TPO: variants seen among roughly 807,000 people sequenced by gnomAD.
TPO encodes thyroid peroxidase, also known as thyroid microsomal antigen.
TPO carries 78 observed loss-of-function variants against 96.9 expected under a neutral mutation model. The ratio of observed to expected loss-of-function variants is 0.81; its 90% CI spans 0.67 to 0.97. The LOEUF (loss-of-function observed/expected upper bound fraction) is 0.97, where lower values mean the gene tolerates loss of function less well. Among genes scored for constraint, TPO ranks in the 50% least tolerant of loss-of-function variants. The pLI is 0.00. For missense variants in TPO, 1,252 were observed against 1,274.8 expected (o/e 0.98, Z 0.27); for synonymous variants, 547 against 538.0 (o/e 1.02, Z -0.23).
Position 1,493,786 on chromosome 2 carries a change from C to T in TPO, c.1769-16C>T, listed in dbSNP as rs536243953. The T allele has an allele frequency of 2.5e-6, 4 of 1,613,000 alleles. No individual in the cohort carries two copies. The highest frequency in any genetic ancestry group is 1.7e-4 in the Middle Eastern group (1 of 6,060). On this transcript the variant is annotated splice_polypyrimidine_tract_variant and intron_variant, in intron 10 of 16. Coordinates refer to ENST00000329066, the MANE Select transcript of TPO (RefSeq NM_001206744.2). Reference sequence around the variant, plus strand: ...CAGTTCTGTGAGAGAAACCCTGCAGCCTCTCCCCTGTGCAGGTTACAATGA... The same window carrying T: ...CAGTTCTGTGAGAGAAACCCTGCAGTCTCTCCCCTGTGCAGGTTACAATGA...
chr2:1,496,900 T>C, intron 13 of TPO, 135 bp downstream of exon 13: 1 of 1,352,356 alleles, frequency 7.4e-7, no homozygotes, highest in East Asian at 2.4e-5. Context: ...AATCTGGGGA[T>C]AGAAAGCAAG....
At chr2:1,397,704 C>T (rs1175304229) in intron 1 of TPO, among the ~76,000 whole-genome samples, 4 of 152,160 alleles carry the variant, frequency 2.6e-5, no homozygotes, top group African/African-American at 9.7e-5. Context: ...TCCAAGCCTC[C>T]CACCCCCGGG....
At chr2:1,480,856 C>CCACGTCCCTGCTGCTGCG (rs1240822573) in intron 8 of TPO, among the ~76,000 whole-genome samples, 1 of 65,086 alleles carries the variant, frequency 1.5e-5, no homozygotes, top group Non-Finnish European at 3.6e-5. Context: ...ACCATACCCA[C>CCACGTCCCTGCTGCTGCG]TCTAATTTGT....
chr2:1,529,550 A>G (rs1226728736), intron 15 of TPO, among the ~76,000 whole-genome samples: 6 of 121,670 alleles, frequency 4.9e-5, no homozygotes, highest in Admixed American at 1.7e-4. Flanking sequence ...AATCTCCCCA[A>G]ATGCCCCACC....
intron 14 of TPO, among the ~76,000 whole-genome samples, chr2:1,509,800 C>T (rs78324310): frequency 3.0e-5 from 4 of 131,712 alleles, no homozygotes; most frequent in Non-Finnish European, 6.5e-5. Flanking sequence ...AGGGACACCG[C>T]ACCTCTTATT....
chr2:1,458,268 G>T lies in TPO; in HGVS notation c.819+1986G>T, dbSNP rs151198117. Among the ~76,000 whole-genome samples, 668 of 151,842 alleles carry T rather than the reference G, an allele frequency of 4.4e-3. 16 individuals carry two copies. The East Asian group carries it at 0.045, about 10-fold the overall frequency. On this transcript the variant is annotated intron_variant, in intron 7 of 16. Coordinates refer to ENST00000329066, the MANE Select transcript of TPO (RefSeq NM_001206744.2). ...AGGATATAAGATAGTGTGTGGGCAC[G>T]TGTGTATATAGCATATAAGACAGTG...
intron 3 of TPO, among the ~76,000 whole-genome samples, chr2:1,423,372 G>A (rs1663987967): frequency 6.6e-6 from 1 of 152,182 alleles, no homozygotes; most frequent in African/African-American, 2.4e-5. Context: ...CGTATACCCT[G>A]GTTAAAAGAC....
rs755047215 is a variant in TPO at position 1,493,808 on chromosome 2, A to G, written c.1775A>G (p.Asn592Ser). 1.9e-6 allele frequency: 3 copies of G among 1,614,148 alleles called. No homozygotes were observed. Among genetic ancestry groups the G allele is most frequent in the Non-Finnish European group, 2.5e-6 (3 of 1,180,004 alleles). Residue 592 changes from asparagine (N) to serine (S), a missense_variant, in exon 11 of 17, where the codon AAT becomes AGT. By Grantham distance (46) the Asn-to-Ser change is conservative. Transcript: ENST00000329066. The stretch of plus-strand genomic sequence containing the variant: ...CAGCCTCTCCCCTGTGCAGGTTACA[A>G]TGAGTGGAGGGAGTTCTGCGGCCTG... ...RGRDHGLPGY[N>S]EWREFCGLPR...
chr2:1,478,099 C>T (rs1396781898), intron 8 of TPO: 2 of 985,336 alleles, frequency 2.0e-6, no homozygotes, highest in Admixed American at 6.1e-5. Context: ...GAATGAAGAA[C>T]CGACTCTGTG....
intron 2 of TPO, among the ~76,000 whole-genome samples, chr2:1,419,769 C>T (rs958566755): frequency 2.6e-5 from 4 of 152,190 alleles, no homozygotes; most frequent in African/African-American, 7.2e-5. Flanking sequence ...AGAGTTCTAA[C>T]GATCCATTCG....
chr2:1,487,208 C>CTT (rs573999265), intron 9 of TPO, among the ~76,000 whole-genome samples: 76,463 of 151,434 alleles, frequency 0.5, 19,806 homozygotes, highest in African/African-American at 0.63. Flanking sequence ...GCAAACGCTT[C>CTT]TTTTTTTTGT....
At chr2:1,490,120 G>A (rs1671619188) in intron 10 of TPO, among the ~76,000 whole-genome samples, 1 of 57,060 alleles carries the variant, frequency 1.8e-5, no homozygotes, top group African/African-American at 1.0e-4. Flanking sequence ...CCGCCACGAG[G>A]GTCCCACACA....
At chr2:1,422,256 C>T (rs1255142502) in intron 2 of TPO, among the ~76,000 whole-genome samples, 2 of 78,396 alleles carry the variant, frequency 2.6e-5, no homozygotes, top group African/African-American at 1.4e-4. Context: ...TGGGTGGGGA[C>T]GAGCATGGAA....
At position 1,421,939 on chromosome 2, in the gene TPO, G is replaced by A. The variant is rs529258802; in HGVS notation, c.95-1106G>A. 9.2e-5 allele frequency among the ~76,000 whole-genome samples: 14 copies of A among 152,330 alleles called. No homozygotes were observed. In the South Asian group the frequency reaches 2.9e-3, roughly 32 times the overall value. On this transcript the variant is annotated intron_variant, in intron 2 of 16. Coordinates refer to ENST00000329066, the MANE Select transcript of TPO (RefSeq NM_001206744.2). ...CACACCCAGAGCCTGCAGCTCTGAC[G>A]GCTGTGCTGGGGGTCCCCGGCGAGC...
At chr2:1,443,292 G>T (rs1336203584) in intron 5 of TPO, among the ~76,000 whole-genome samples, 1 of 152,110 alleles carries the variant, frequency 6.6e-6, no homozygotes, top group Admixed American at 6.5e-5. Context: ...CGTGTTGGAA[G>T]GGAGTGGGGC....
intron 5 of TPO, among the ~76,000 whole-genome samples, chr2:1,448,260 TG>T (rs942078814): frequency 4.6e-5 from 7 of 152,232 alleles, no homozygotes; most frequent in Non-Finnish European, 7.3e-5. Flanking sequence ...GCCGAGCCTG[TG>T]GTCTGCATCT....
rs184218484 is a variant in TPO at position 1,501,784 on chromosome 2, C to A, written c.2387-2164C>A. Among the ~76,000 whole-genome samples, 498 of 152,150 alleles carry A rather than the reference C, an allele frequency of 3.3e-3. 5 individuals are homozygous for A. The highest frequency in any genetic ancestry group is 0.011 in the African/African-American group (477 of 41,510). ...GGAGCCAGGGCATGCAGGAAGGACG[C>A]CCCCCGACTCCCGAGAGCCTGCTGA... On this transcript the variant is annotated intron_variant, in intron 13 of 16. Transcript: ENST00000329066.
At chr2:1,455,486 G>C (rs1423411281) in intron 6 of TPO, among the ~76,000 whole-genome samples, 1 of 152,182 alleles carries the variant, frequency 6.6e-6, no homozygotes, top group Non-Finnish European at 1.5e-5. Flanking sequence ...GATCCATCCA[G>C]GACAAAATTC....
chr2:1,427,848 C>T (rs149064968), intron 3 of TPO, among the ~76,000 whole-genome samples: 1 of 152,254 alleles, frequency 6.6e-6, no homozygotes, highest in African/African-American at 2.4e-5. Flanking sequence ...AGGGTGTATT[C>T]AGCCTGGAAT....
Sources: allele counts gnomAD v4.1 joint callset (sites outside exome capture counted in the v4.1 genomes callset), GRCh38; gene constraint gnomAD v4.1.1; transcripts MANE v1.5; gene names NCBI Gene and HGNC (gene_info 2026-07-23, HGNC 2026-07-21).